FNIP2: variants seen among roughly 807,000 people sequenced by gnomAD.
The protein encoded by FNIP2 is folliculin-interacting protein 2.
Under a neutral mutation model 108.7 loss-of-function variants are expected in FNIP2, and 32 were observed. That is an observed-to-expected ratio of 0.29 (90% CI 0.22 to 0.40). The LOEUF is 0.40. Among genes scored for constraint, FNIP2 ranks in the 10% least tolerant of loss-of-function variants. The probability of loss-of-function intolerance (pLI) is 1.00; values close to 1 mark genes in which losing one functional copy is unlikely to be tolerated. For synonymous variants in FNIP2, 480 were observed against 496.7 expected (o/e 0.97, Z 0.45); for missense variants, 1,202 against 1,381.6 (o/e 0.87, Z 2.06).
chr4:158,780,032 AC>A (rs1478638157), intron 1 of FNIP2, among the ~76,000 whole-genome samples: 1 of 151,048 alleles, frequency 6.6e-6, no homozygotes, highest in African/African-American at 2.4e-5. Flanking sequence ...ACAAAAGGAG[AC>A]CCCATCTCTA....
intron 14 of FNIP2, among the ~76,000 whole-genome samples, chr4:158,884,651 C>G (rs1184696949): frequency 6.6e-6 from 1 of 152,138 alleles, no homozygotes; most frequent in Non-Finnish European, 1.5e-5. Context: ...GTCCCACTTT[C>G]ACACAACTGT....
chr4:158,795,615 AG>A (rs2126462445), intron 1 of FNIP2, among the ~76,000 whole-genome samples: 1 of 152,344 alleles, frequency 6.6e-6, no homozygotes, highest in East Asian at 1.9e-4. Context: ...CATGGCTTGC[AG>A]GTATTCTTCC....
At chr4:158,815,566 G>A (rs747761021) in intron 1 of FNIP2, among the ~76,000 whole-genome samples, 20 of 152,026 alleles carry the variant, frequency 1.3e-4, no homozygotes, top group African/African-American at 4.3e-4. Flanking sequence ...GGGGTTTCAC[G>A]TGTTAGCCAG....
intron 14 of FNIP2, among the ~76,000 whole-genome samples, chr4:158,888,727 A>C (rs1219867107): frequency 6.6e-6 from 1 of 152,126 alleles, no homozygotes; most frequent in Non-Finnish European, 1.5e-5. Flanking sequence ...TGTCTCTAAC[A>C]AAAGTACAAA....
intron 7 of FNIP2, among the ~76,000 whole-genome samples, chr4:158,839,143 C>T (rs1000650156): frequency 1.3e-5 from 2 of 152,102 alleles, no homozygotes; most frequent in African/African-American, 4.8e-5. Context: ...AGGCTGTGTA[C>T]TTTGGAGAGA....
intron 16 of FNIP2, among the ~76,000 whole-genome samples, chr4:158,900,969 G>C (rs1729184312): frequency 6.6e-6 from 1 of 152,076 alleles, no homozygotes. Flanking sequence ...GCAGTGGCTG[G>C]TACCGCTTTT....
At position 158,907,709 on chromosome 4, in the gene FNIP2, G is replaced by GT. The variant is rs1457696656; in HGVS notation, c.*3171dup. ...TTCTCTTGGTAAATGTGAACCATTT[G>GT]TTTTTTATTGTGCTTGGGGGAGAGG... On this transcript the variant is annotated 3_prime_UTR_variant, in exon 17 of 17. Transcript: ENST00000264433. 2.0e-5 allele frequency: 3 copies of GT among 152,124 alleles called. No homozygotes were observed. The highest frequency in any genetic ancestry group is 4.8e-5 in the African/African-American group (2 of 41,432). 9.4% of individuals were successfully genotyped at this position (152,124 alleles called of 1,614,324 possible).
At chr4:158,798,062 T>G (rs1246120792) in intron 1 of FNIP2, among the ~76,000 whole-genome samples, 2 of 152,060 alleles carry the variant, frequency 1.3e-5, no homozygotes, top group Non-Finnish European at 2.9e-5. Context: ...TTGTTTAAAT[T>G]TTTGTTGTTG....
intron 3 of FNIP2, among the ~76,000 whole-genome samples, chr4:158,830,356 G>A (rs998339750): frequency 4.0e-5 from 6 of 149,276 alleles, no homozygotes; most frequent in South Asian, 2.1e-4. Flanking sequence ...TCCGCTTCCC[G>A]GGTTCACGCC....
intron 7 of FNIP2, among the ~76,000 whole-genome samples, chr4:158,842,896 T>G (rs1387993946): frequency 6.6e-6 from 1 of 152,184 alleles, no homozygotes; most frequent in Non-Finnish European, 1.5e-5. Context: ...GGAACTATAA[T>G]GTATTCCTTA....
At chr4:158,866,758 G>T (rs1300141053) in intron 12 of FNIP2, among the ~76,000 whole-genome samples, 6 of 151,542 alleles carry the variant, frequency 4.0e-5, no homozygotes, top group African/African-American at 1.5e-4. Flanking sequence ...TGTATTTTTG[G>T]CAGAGACAGG....
At chr4:158,815,032 G>A (rs1777482989) in intron 1 of FNIP2, among the ~76,000 whole-genome samples, 1 of 152,156 alleles carries the variant, frequency 6.6e-6, no homozygotes, top group East Asian at 1.9e-4. Context: ...TATTCAAAAG[G>A]CACAAAATTG....
At chr4:158,820,823 T>G (rs1270265974) in intron 1 of FNIP2, among the ~76,000 whole-genome samples, 1 of 152,226 alleles carries the variant, frequency 6.6e-6, no homozygotes, top group Admixed American at 6.5e-5. Flanking sequence ...CACCAGTCAT[T>G]GGATTAGGGT....
chr4:158,773,961 C>T (rs1453016980), intron 1 of FNIP2, among the ~76,000 whole-genome samples: 1 of 152,098 alleles, frequency 6.6e-6, no homozygotes, highest in African/African-American at 2.4e-5. Context: ...ATGATATAGT[C>T]ACACAATGGA....
chr4:158,836,297 C>T (rs1052107981), intron 7 of FNIP2: 8 of 152,256 alleles, frequency 5.3e-5, no homozygotes, highest in Admixed American at 3.3e-4. Flanking sequence ...GGTCCTTGTG[C>T]TCCTGTGTAG....
intron 14 of FNIP2, chr4:158,872,150 C>A (rs1780989671): frequency 7.1e-6 from 7 of 985,304 alleles, no homozygotes; most frequent in Admixed American, 6.1e-5. Context: ...TCCTCAGTGA[C>A]ATCAGTTTTA....
rs1780914311 is a variant in FNIP2 at position 158,870,994 on chromosome 4, G to A, written c.2949+525G>A. Among the ~76,000 whole-genome samples, 3 of 152,266 alleles carry A rather than the reference G, an allele frequency of 2.0e-5. No individual in the cohort carries two copies. In the South Asian group the frequency reaches 6.2e-4, roughly 32 times the overall value. On this transcript the variant is annotated intron_variant, in intron 14 of 16. Coordinates refer to ENST00000264433, the MANE Select transcript of FNIP2 (RefSeq NM_020840.3). Reference sequence around the variant, plus strand: ...GCAAATGGAATAAACAGCACAGATGGTGACAATTATATGCCGTCACGGTGA... The same window carrying A: ...GCAAATGGAATAAACAGCACAGATGATGACAATTATATGCCGTCACGGTGA...
chr4:158,861,633 T>C lies in FNIP2; in HGVS notation c.1322T>C (p.Val441Ala). The part of the protein sequence containing the change: ...NQFFAALLTA[V>A]LTYHLAWVPT... ...TTTTTTGCTGCCTTACTGACTGCGG[T>C]GTTAACCTACCACCTGGCCTGGGTC... Residue 441 changes from valine (V) to alanine (A), a missense_variant, in exon 12 of 17, where the codon GTG (valine) becomes GCG (alanine). Around this residue, in one of 5 missense-constraint regions of FNIP2, gnomAD observed 878 missense variants for 990.3 expected, o/e 0.89. Coordinates refer to ENST00000264433, the MANE Select transcript of FNIP2 (RefSeq NM_020840.3). 6.2e-7 allele frequency: 1 copy of C among 1,614,030 alleles called. No homozygotes were observed. The highest frequency in any genetic ancestry group is 8.5e-7 in the Non-Finnish European group (1 of 1,179,892).
At chr4:158,875,418 C>A (rs897408731) in intron 14 of FNIP2, among the ~76,000 whole-genome samples, 62 of 151,112 alleles carry the variant, frequency 4.1e-4, no homozygotes, top group Admixed American at 9.2e-4. Flanking sequence ...ACAGCAGCCT[C>A]TTCCATTTAA....
Sources: allele counts gnomAD v4.1 joint callset (sites outside exome capture counted in the v4.1 genomes callset), GRCh38; gene constraint gnomAD v4.1.1; regional missense constraint gnomAD v4.1.1; transcripts MANE v1.5; gene names NCBI Gene and HGNC (gene_info 2026-07-23, HGNC 2026-07-21).